Variants in COLEC12 observed in about 807,000 individuals in gnomAD.
The protein encoded by COLEC12 is collectin subfamily member 12.
Under a neutral mutation model 71.1 loss-of-function variants are expected in COLEC12, and 33 were observed. The ratio of observed to expected loss-of-function variants is 0.46; its 90% confidence interval spans 0.35 to 0.62. The LOEUF is 0.62. Ranked by LOEUF, COLEC12 falls within the 20% of genes least tolerant of loss-of-function variation. COLEC12 has a pLI of 0.00. For missense variants in COLEC12, 765 were observed against 916.1 expected, an observed-to-expected ratio of 0.84 and a Z score of 2.13; for synonymous variants, 350 against 353.0, an observed-to-expected ratio of 0.99 and a Z score of 0.10.
chr18:419,091 T>C (rs1037380017), intron 2 of COLEC12, among the ~76,000 whole-genome samples: 35 of 152,214 alleles, frequency 2.3e-4, no homozygotes, highest in African/African-American at 8.2e-4. Context: ...GATGTAGGGA[T>C]TGGCTAATAT....
At chr18:321,841 A>G (rs1913713314) in intron 8 of COLEC12, 34 bp from the exon 9 acceptor site, 1 of 1,605,512 alleles carries the variant, frequency 6.2e-7, no homozygotes, top group Non-Finnish European at 8.5e-7. Flanking sequence ...TGTTATTTGC[A>G]CAGTAATGCA....
chr18:473,257 C>T (rs1443442803), intron 2 of COLEC12, among the ~76,000 whole-genome samples: 1 of 152,172 alleles, frequency 6.6e-6, no homozygotes, highest in African/African-American at 2.4e-5. Flanking sequence ...GAAAAAGAAT[C>T]ACTCCAGTTC....
At chr18:378,984 G>A (rs201740036) in intron 2 of COLEC12, among the ~76,000 whole-genome samples, 1 of 152,174 alleles carries the variant, frequency 6.6e-6, no homozygotes, top group East Asian at 1.9e-4. Flanking sequence ...GGTGAGGATT[G>A]AGCCACGCCG....
intron 3 of COLEC12, among the ~76,000 whole-genome samples, chr18:353,072 C>T (rs71352937): frequency 6.6e-6 from 1 of 151,932 alleles, no homozygotes; most frequent in Admixed American, 6.6e-5. Context: ...ACAATAAAAC[C>T]TTTTTTATAA....
chr18:495,604 G>T (rs921829498), intron 1 of COLEC12, among the ~76,000 whole-genome samples: 1 of 152,182 alleles, frequency 6.6e-6, no homozygotes, highest in Non-Finnish European at 1.5e-5. Context: ...TCCACTGGCT[G>T]ACTGAAGAAC....
chr18:331,156 C>T (rs186160312), intron 8 of COLEC12, among the ~76,000 whole-genome samples: 16 of 152,106 alleles, frequency 1.1e-4, no homozygotes, highest in Non-Finnish European at 1.9e-4. Context: ...CCCAAAGTGC[C>T]GGGATTACAG....
intron 2 of COLEC12, among the ~76,000 whole-genome samples, chr18:389,024 T>G (rs1312903498): frequency 1.3e-5 from 2 of 152,156 alleles, no homozygotes; most frequent in Non-Finnish European, 2.9e-5. Flanking sequence ...CCAGTTACAT[T>G]ATTCACAATT....
At chr18:359,352 A>C (rs139347391) in intron 2 of COLEC12, among the ~76,000 whole-genome samples, 1 of 152,374 alleles carries the variant, frequency 6.6e-6, no homozygotes, top group Admixed American at 6.5e-5. Flanking sequence ...GTAATGTATT[A>C]TAACCTATGG....
At chr18:444,398 C>G (rs1308137045) in intron 2 of COLEC12, among the ~76,000 whole-genome samples, 4 of 152,132 alleles carry the variant, frequency 2.6e-5, no homozygotes, top group Non-Finnish European at 4.4e-5. Flanking sequence ...AGTGAAAATG[C>G]TGTGGCAGGT....
At position 334,884 on chromosome 18, in the gene COLEC12, C is replaced by T; in HGVS notation, c.1674G>A (p.Val558=). 7 of 1,521,892 alleles carry T rather than the reference C, an allele frequency of 4.6e-6. No homozygotes were observed. The highest frequency in any genetic ancestry group is 6.1e-6 in the Non-Finnish European group (7 of 1,144,864). The allele number at this position is 1,521,892 out of a possible 1,614,324, so 94.3% of individuals were successfully genotyped here. A position where few individuals can be genotyped will look rare whatever the true frequency, so the allele number is the denominator to read the frequency against. The part of the protein sequence containing the change: ...GLQGTVGEPG[V]PGPRGLPGLP... ...AGCCTGGCAGTCCCCGAGGTCCAGG[C>T]ACCCCAGGCTCCCCAACGGTGCCCT... Residue 558 remains valine (V), a synonymous_variant, in exon 6 of 10, where the codon GTG becomes GTA. Transcript: ENST00000400256.
chr18:389,915 A>C (rs1915426407), intron 2 of COLEC12, among the ~76,000 whole-genome samples: 1 of 152,224 alleles, frequency 6.6e-6, no homozygotes, highest in Admixed American at 6.5e-5. Flanking sequence ...CTGGCCACAA[A>C]GGCAAATTCA....
intron 2 of COLEC12, among the ~76,000 whole-genome samples, chr18:453,721 T>G (rs745391246): frequency 6.6e-6 from 1 of 152,230 alleles, no homozygotes; most frequent in Non-Finnish European, 1.5e-5. Context: ...TCCAGACTCA[T>G]GCAATTACGC....
At chr18:400,688 T>C (rs1915665643) in intron 2 of COLEC12, among the ~76,000 whole-genome samples, 1 of 152,222 alleles carries the variant, frequency 6.6e-6, no homozygotes, top group African/African-American at 2.4e-5. Flanking sequence ...CTGTGATGGA[T>C]GTTTATGACT....
chr18:448,285 C>T (rs548261458), intron 2 of COLEC12, among the ~76,000 whole-genome samples: 1 of 152,298 alleles, frequency 6.6e-6, no homozygotes, highest in African/African-American at 2.4e-5. Context: ...ATGACTCTGG[C>T]AAACGAGCGT....
intron 2 of COLEC12, among the ~76,000 whole-genome samples, chr18:402,321 G>A (rs1314377393): frequency 6.6e-6 from 1 of 152,102 alleles, no homozygotes; most frequent in Non-Finnish European, 1.5e-5. Context: ...GTTGTGGGAG[G>A]GGACCAATCA....
chr18:461,581 T>C (rs933030456), intron 2 of COLEC12, among the ~76,000 whole-genome samples: 1 of 152,182 alleles, frequency 6.6e-6, no homozygotes, highest in African/African-American at 2.4e-5. Context: ...TGAGATGGGA[T>C]TTCACTATGT....
At chr18:497,474 G>A (rs112212427) in intron 1 of COLEC12, among the ~76,000 whole-genome samples, 25 of 151,636 alleles carry the variant, frequency 1.6e-4, no homozygotes, top group African/African-American at 6.0e-4. Context: ...GCACGATCTC[G>A]GCTCATTGCA....
intron 2 of COLEC12, among the ~76,000 whole-genome samples, chr18:453,208 T>C (rs1916796252): frequency 6.6e-6 from 1 of 152,202 alleles, no homozygotes; most frequent in African/African-American, 2.4e-5. Flanking sequence ...TCAGTGTCAC[T>C]GGCTTGTTCT....
At chr18:490,961 C>T (rs980676888) in intron 1 of COLEC12, among the ~76,000 whole-genome samples, 24 of 152,356 alleles carry the variant, frequency 1.6e-4, no homozygotes, top group African/African-American at 5.5e-4. Context: ...GACCAGGGTC[C>T]ATTCCCAGCT....
Sources: gnomAD v4.1 joint callset for allele counts (sites outside exome capture counted in the v4.1 genomes callset) on GRCh38, gnomAD v4.1.1 for gene constraint, MANE v1.5 for transcripts, NCBI Gene and HGNC (gene_info 2026-07-23, HGNC 2026-07-21) for gene names.